Variants in RAP1GDS1 observed in about 807,000 individuals in gnomAD.
The protein encoded by RAP1GDS1 is Rap1 GTPase-GDP dissociation stimulator 1.
Under a neutral mutation model 71.1 loss-of-function variants are expected in RAP1GDS1, and 35 were observed. The observed-to-expected ratio is 0.49, with a 90% CI of 0.38 to 0.65. The LOEUF (loss-of-function observed/expected upper bound fraction) is 0.65, where lower values mean the gene tolerates loss of function less well. Among genes scored for constraint, RAP1GDS1 ranks in the 30% least tolerant of loss-of-function variants. The probability of loss-of-function intolerance (pLI) is 0.00; values close to 1 mark genes in which losing one functional copy is unlikely to be tolerated. For missense variants in RAP1GDS1, 663 were observed against 706.1 expected (o/e 0.94, Z 0.69); for synonymous variants, 229 against 243.1 (o/e 0.94, Z 0.54).
At chr4:98,302,244 C>A (rs1364561399) in intron 2 of RAP1GDS1, among the ~76,000 whole-genome samples, 1 of 152,052 alleles carries the variant, frequency 6.6e-6, no homozygotes, top group East Asian at 1.9e-4. Context: ...AGAGAAGAAA[C>A]CTTCAAGTTA....
chr4:98,318,989 G>T (rs563651525), intron 2 of RAP1GDS1, among the ~76,000 whole-genome samples: 4 of 152,176 alleles, frequency 2.6e-5, no homozygotes, highest in East Asian at 1.9e-4. Flanking sequence ...AGTTCTCTGG[G>T]GGGGGAAATG....
chr4:98,264,672 T>C (rs2110218468), intron 1 of RAP1GDS1, among the ~76,000 whole-genome samples: 1 of 152,250 alleles, frequency 6.6e-6, no homozygotes, highest in African/African-American at 2.4e-5. Context: ...AGTAAAAGTA[T>C]AAGTTATATA....
chr4:98,392,555 G>T (rs1424248072), intron 6 of RAP1GDS1, among the ~76,000 whole-genome samples: 3 of 152,116 alleles, frequency 2.0e-5, no homozygotes, highest in Admixed American at 2.0e-4. Flanking sequence ...ACAAAAATTA[G>T]CTGGGTGTGG....
rs556029825 is a variant in RAP1GDS1, at chr4:98,350,411, A to T, written c.236-2065A>T. On this transcript the variant is annotated intron_variant, in intron 3 of 14. Transcript: ENST00000408927. ...TATGAGTTAGTAGCATGTTAATTTA[A>T]GATTTGAAATCTAGTCCAGGCCTGG... Among the ~76,000 whole-genome samples the T allele has an allele frequency of 1.1e-3, 172 of 152,320 alleles. 1 individual carries two copies. The South Asian group carries it at 0.018, about 16-fold the overall frequency.
chr4:98,402,020 C>T (rs1345556828), intron 6 of RAP1GDS1, among the ~76,000 whole-genome samples: 1 of 152,120 alleles, frequency 6.6e-6, no homozygotes, highest in African/African-American at 2.4e-5. Context: ...TTCTCTGAAG[C>T]AGAGGGATAA....
chr4:98,385,567 T>G (rs1742623131), intron 5 of RAP1GDS1, among the ~76,000 whole-genome samples: 1 of 151,886 alleles, frequency 6.6e-6, no homozygotes, highest in South Asian at 2.1e-4. Flanking sequence ...TAAATTAACT[T>G]TTATGAAGAT....
At chr4:98,262,503 C>A (rs910988932) in intron 1 of RAP1GDS1, among the ~76,000 whole-genome samples, 1 of 152,190 alleles carries the variant, frequency 6.6e-6, no homozygotes, top group Non-Finnish European at 1.5e-5. Context: ...CTGTTACATT[C>A]AGTAATCACA....
At chr4:98,438,150 C>G (rs923591251) in intron 14 of RAP1GDS1, among the ~76,000 whole-genome samples, 2 of 151,868 alleles carry the variant, frequency 1.3e-5, no homozygotes, top group African/African-American at 2.4e-5. Context: ...AGGGATTGAC[C>G]CTTTTATCAT....
intron 2 of RAP1GDS1, among the ~76,000 whole-genome samples, chr4:98,325,667 C>T (rs1365855570): frequency 2.7e-5 from 4 of 148,718 alleles, no homozygotes; most frequent in Admixed American, 1.3e-4. Context: ...TAAACTATCG[C>T]AAGAACAAAA....
intron 6 of RAP1GDS1, among the ~76,000 whole-genome samples, chr4:98,392,914 C>T (rs1322759063): frequency 6.6e-6 from 1 of 152,068 alleles, no homozygotes. Context: ...CAGACCAATG[C>T]TGGAAACACA....
intron 1 of RAP1GDS1, among the ~76,000 whole-genome samples, chr4:98,279,256 A>G (rs1199412246): frequency 6.6e-6 from 1 of 151,930 alleles, no homozygotes; most frequent in East Asian, 1.9e-4. Flanking sequence ...AAAAATAATA[A>G]TAATAGGGCC....
chr4:98,354,540 A>G (rs962084901), intron 4 of RAP1GDS1, among the ~76,000 whole-genome samples: 1 of 152,164 alleles, frequency 6.6e-6, no homozygotes, highest in Non-Finnish European at 1.5e-5. Flanking sequence ...GCATAGAGTA[A>G]TTTTATTTCC....
chr4:98,409,231 G>A (rs1201248217), intron 7 of RAP1GDS1: 1 of 152,074 alleles, frequency 6.6e-6, no homozygotes, highest in Non-Finnish European at 1.5e-5. Flanking sequence ...AATAAAATGT[G>A]AAAAATACGT....
intron 2 of RAP1GDS1, among the ~76,000 whole-genome samples, chr4:98,298,025 G>A (rs1166684191): frequency 6.6e-6 from 1 of 152,162 alleles, no homozygotes; most frequent in African/African-American, 2.4e-5. Flanking sequence ...AAGAAACTTT[G>A]AGCGCTCTGG....
At chr4:98,275,050 GTC>G (rs1553958614) in intron 1 of RAP1GDS1, among the ~76,000 whole-genome samples, 1 of 150,144 alleles carries the variant, frequency 6.7e-6, no homozygotes, top group African/African-American at 2.5e-5. Context: ...GTGTGTGTGT[GTC>G]TGTGTGGAAA....
At chr4:98,415,926 T>C (rs1038113805) in intron 7 of RAP1GDS1, among the ~76,000 whole-genome samples, 4 of 152,204 alleles carry the variant, frequency 2.6e-5, no homozygotes, top group Non-Finnish European at 5.9e-5. Context: ...TTTATTTATT[T>C]AATTTTTATA....
At chr4:98,421,216 G>A (rs764446015) in intron 11 of RAP1GDS1, 39 bp from the exon 12 acceptor site, 1 of 1,554,134 alleles carries the variant, frequency 6.4e-7, no homozygotes, top group East Asian at 2.3e-5. Context: ...CTGATTGTCT[G>A]TTAGTGATTC....
At chr4:98,327,528 C>A (rs1166654854) in intron 2 of RAP1GDS1, among the ~76,000 whole-genome samples, 2 of 152,218 alleles carry the variant, frequency 1.3e-5, no homozygotes, top group South Asian at 4.2e-4. Context: ...TTCATGAGAA[C>A]CCTATTTTCA....
chr4:98,349,891 A>C (rs1385739791), intron 3 of RAP1GDS1, among the ~76,000 whole-genome samples: 1 of 152,112 alleles, frequency 6.6e-6, no homozygotes, highest in Non-Finnish European at 1.5e-5. Flanking sequence ...CTTTAAAATT[A>C]GCTAGCGAGG....
Sources: gnomAD v4.1 joint callset for allele counts (sites outside exome capture counted in the v4.1 genomes callset) on GRCh38, gnomAD v4.1.1 for gene constraint, MANE v1.5 for transcripts, NCBI Gene and HGNC (gene_info 2026-07-23, HGNC 2026-07-21) for gene names.